Variants in THAP5 observed in about 807,000 individuals in gnomAD.
THAP5 encodes THAP domain containing 5, also known as THAP domain-containing protein 5.
In THAP5, 26 loss-of-function variants were observed where a neutral mutation model predicts 34.0. The ratio of observed to expected loss-of-function variants is 0.77; its 90% CI spans 0.56 to 1.06. The LOEUF (loss-of-function observed/expected upper bound fraction) is 1.06. THAP5 is among the 50% of genes least tolerant of loss of function. The pLI is 0.00. For synonymous variants in THAP5, 125 were observed against 153.0 expected, an observed-to-expected ratio of 0.82 and a Z score of 1.35; for missense variants, 394 against 452.8, an observed-to-expected ratio of 0.87 and a Z score of 1.18.
intron 2 of THAP5, 57 bp from the exon 3 acceptor site, chr7:108,565,162 T>C (rs559082411): frequency 2.3e-6 from 3 of 1,327,694 alleles, no homozygotes; most frequent in East Asian, 5.0e-5. Flanking sequence ...CTTATTATGC[T>C]AGTGCTATTT....
downstream of THAP5, among the ~76,000 whole-genome samples, chr7:108,551,745 A>C (rs1166539063): frequency 6.6e-6 from 1 of 152,204 alleles, no homozygotes; most frequent in East Asian, 1.9e-4. Flanking sequence ...CCTGGAAAAC[A>C]TTAAAAAATA....
At chr7:108,548,986 C>A in the THAP5 span, among the ~76,000 whole-genome samples, 2 of 151,948 alleles carry the variant, frequency 1.3e-5, no homozygotes, top group Non-Finnish European at 2.9e-5. Flanking sequence ...AAAACAAAAG[C>A]CTGCAGTCCT....
chr7:108,561,138 C>A (rs1864426339), downstream of THAP5, among the ~76,000 whole-genome samples: 1 of 152,192 alleles, frequency 6.6e-6, no homozygotes, highest in South Asian at 2.1e-4. Flanking sequence ...CTGTTCCTTG[C>A]AACCAAAAGA....
chr7:108,565,063 C>T lies in THAP5; in HGVS notation c.316G>A (p.Glu106Lys). The change falls in exon 3 of 3, where the codon GAA becomes AAA. Residue 106 changes from glutamate (E) to lysine (K), a missense_variant. Coordinates refer to ENST00000415914, the MANE Select transcript of THAP5 (RefSeq NM_001130475.3). The part of the protein sequence containing the change: ...SKKKSQKKNL[E>K]DEKEVCPKAK... ...TTTGGGCATACTTCTTTCTCATCTT[C>T]CAAGTTTTTCTTCTGGGATTTTTTT... 6.6e-7 allele frequency: 1 copy of T among 1,521,914 alleles called. No homozygotes were observed. The highest frequency in any genetic ancestry group is 2.5e-5 in the East Asian group (1 of 40,602). 94.3% of individuals were successfully genotyped at this position (1,521,914 alleles called of 1,614,324 possible). A position where few individuals can be genotyped will look rare whatever the true frequency, so the allele number is the denominator to read the frequency against.
At chr7:108,558,377 GTATGTATATATATA>G (rs1388269408), downstream of THAP5, among the ~76,000 whole-genome samples, 470 of 63,026 alleles carry the variant, frequency 7.5e-3, 9 homozygotes, top group African/African-American at 0.035. Context: ...ATGTGTGTGT[GTATGTATATATATA>G]TATATATATA....
chr7:108,569,475 C>A lies in THAP5; in HGVS notation c.80+15G>T. 1 of 1,551,656 alleles carries A rather than the reference C, an allele frequency of 6.4e-7. No homozygotes were observed. Among genetic ancestry groups the A allele is most frequent in the South Asian group, 1.2e-5 (1 of 84,060 alleles). Reference sequence around the variant, plus strand: ...TCACGGCGAGGCTGACGCTTCTGCTCCAGAAACAACTTACGGATAAAAACT... The same window carrying A: ...TCACGGCGAGGCTGACGCTTCTGCTACAGAAACAACTTACGGATAAAAACT... On this transcript the variant is annotated intron_variant, in intron 1 of 2. Transcript: ENST00000415914.
downstream of THAP5, among the ~76,000 whole-genome samples, chr7:108,558,381 G>GTATGTATATATATATATATATATA (rs1554694585): frequency 2.1e-5 from 2 of 93,824 alleles, no homozygotes; most frequent in Admixed American, 1.0e-4. Flanking sequence ...GTGTGTGTAT[G>GTATGTATATATATATATATATATA]TATATATATA....
At chr7:108,565,508 C>T (rs1790467429) in intron 2 of THAP5, 1 of 188,104 alleles carries the variant, frequency 5.3e-6, no homozygotes, top group Non-Finnish European at 1.1e-5. Context: ...GCAGAGGTTG[C>T]AGTGAGCTGA....
In THAP5 at chr7:108,569,652, G is replaced by A. The variant is rs777995092; in HGVS notation, c.-83C>T. 4.7e-6 allele frequency: 7 copies of A among 1,504,126 alleles called. No homozygotes were observed. Among genetic ancestry groups the A allele is most frequent in the African/African-American group, 1.4e-5 (1 of 72,088 alleles). The allele number at this position is 1,504,126 out of a possible 1,614,324, so 93.2% of individuals were successfully genotyped here. A position where few individuals can be genotyped will look rare whatever the true frequency, so the allele number is the denominator to read the frequency against. On this transcript the variant is annotated 5_prime_UTR_variant, in exon 1 of 3. Coordinates refer to ENST00000415914, the MANE Select transcript of THAP5 (RefSeq NM_001130475.3). Reference sequence around the variant, plus strand: ...CACTGAGGATGCGCCACAGGTCCAGGCCTCTCGAGCCCCTGCGCCTGCGCT... The same window carrying A: ...CACTGAGGATGCGCCACAGGTCCAGACCTCTCGAGCCCCTGCGCCTGCGCT...
chr7:108,562,367 T>C lies in THAP5; in HGVS notation c.*1824A>G, dbSNP rs1599009499. 2.0e-5 allele frequency: 3 copies of C among 152,280 alleles called. No homozygotes were observed. Among genetic ancestry groups the C allele is most frequent in the East Asian group, 3.9e-4 (2 of 5,188 alleles). 9.4% of individuals were successfully genotyped at this position (152,280 alleles called of 1,614,324 possible). A position where few individuals can be genotyped will look rare whatever the true frequency, so the allele number is the denominator to read the frequency against. ...CATCTCCCCATAATTTATGCAAAAA[T>C]TTTAAGTTTTTCCCCCATCGTCACC... On this transcript the variant is annotated 3_prime_UTR_variant, in exon 3 of 3. Transcript: ENST00000415914.
At chr7:108,557,211 C>T (rs146406310), downstream of THAP5, among the ~76,000 whole-genome samples, 3 of 152,344 alleles carry the variant, frequency 2.0e-5, no homozygotes, top group African/African-American at 7.2e-5. Flanking sequence ...CCCTGGAAGC[C>T]TTTTCCCCAT....
At chr7:108,567,516 T>C (rs1424550059) in intron 1 of THAP5, among the ~76,000 whole-genome samples, 4 of 152,206 alleles carry the variant, frequency 2.6e-5, no homozygotes, top group Non-Finnish European at 5.9e-5. Context: ...GTTTACTGGA[T>C]TGTATTGCTT....
the THAP5 span, among the ~76,000 whole-genome samples, chr7:108,547,732 T>C: frequency 2.6e-5 from 4 of 152,226 alleles, no homozygotes; most frequent in Non-Finnish European, 4.4e-5. Flanking sequence ...CCTGATTAAT[T>C]AAAATCACAT....
chr7:108,544,351 T>G, the THAP5 span, among the ~76,000 whole-genome samples: 1 of 151,726 alleles, frequency 6.6e-6, no homozygotes, highest in African/African-American at 2.4e-5. Context: ...GCCAACATGG[T>G]GAAACCCCAT....
At chr7:108,561,682 GAGTGTGGGGTTATGAACTTACT>G (rs1864432862), downstream of THAP5, among the ~76,000 whole-genome samples, 1 of 152,138 alleles carries the variant, frequency 6.6e-6, no homozygotes, top group Non-Finnish European at 1.5e-5. Context: ...GACAGAATTT[GAGTGTGGGGTTATGAACTTACT>G]AGAAAAATAC....
downstream of THAP5, among the ~76,000 whole-genome samples, chr7:108,553,683 T>G (rs1864367813): frequency 6.6e-6 from 1 of 152,192 alleles, no homozygotes; most frequent in African/African-American, 2.4e-5. Context: ...TAGGGTAATT[T>G]GACAGAGGTA....
chr7:108,552,370 G>A (rs1864359133), downstream of THAP5, among the ~76,000 whole-genome samples: 1 of 152,064 alleles, frequency 6.6e-6, no homozygotes, highest in South Asian at 2.1e-4. Context: ...GGGTTTACTT[G>A]TTGGCTTTCC....
At chr7:108,561,251 T>C (rs1364358758), downstream of THAP5, among the ~76,000 whole-genome samples, 4 of 145,442 alleles carry the variant, frequency 2.8e-5, no homozygotes, top group African/African-American at 5.3e-5. Flanking sequence ...ACATTCTAAA[T>C]TTGGAAACAA....
downstream of THAP5, among the ~76,000 whole-genome samples, chr7:108,561,515 T>A (rs1864430887): frequency 6.6e-6 from 1 of 151,348 alleles, no homozygotes; most frequent in Admixed American, 6.6e-5. Flanking sequence ...GCAATCTGTC[T>A]ACCTGGTCCT....
Sources: gnomAD v4.1 joint callset for allele counts (sites outside exome capture counted in the v4.1 genomes callset) on GRCh38, gnomAD v4.1.1 for gene constraint, MANE v1.5 for transcripts, NCBI Gene and HGNC (gene_info 2026-07-23, HGNC 2026-07-21) for gene names.